Variants in MYBL2 observed in about 807,000 individuals in gnomAD.
MYBL2 encodes the protein myb-related protein B.
A neutral mutation model predicts 79.9 loss-of-function variants in MYBL2; 28 were observed. The observed-to-expected ratio is 0.35, with a 90% CI of 0.26 to 0.48. The LOEUF is 0.48. MYBL2 is among the 20% of genes least tolerant of loss of function. The probability of loss-of-function intolerance (pLI) is 0.99; values close to 1 mark genes in which losing one functional copy is unlikely to be tolerated. For synonymous variants in MYBL2, 378 were observed against 361.2 expected, an observed-to-expected ratio of 1.05 and a Z score of -0.53; for missense variants, 735 against 893.9, an observed-to-expected ratio of 0.82 and a Z score of 2.27.
chr20:43,678,880 A>AC (rs920933283), intron 2 of MYBL2, among the ~76,000 whole-genome samples: 4 of 149,912 alleles, frequency 2.7e-5, no homozygotes, highest in African/African-American at 9.9e-5. Flanking sequence ...AAAAAGAAAA[A>AC]AACATATAGA....
chr20:43,682,599 G>C (rs552561284), intron 3 of MYBL2, among the ~76,000 whole-genome samples, 195 bp from the exon 4 acceptor site: 2 of 152,200 alleles, frequency 1.3e-5, no homozygotes, highest in Admixed American at 6.5e-5. Context: ...TTGCCCTCTC[G>C]TGTAGCAAAG....
At chr20:43,682,177 A>T (rs1056940945) in intron 3 of MYBL2, among the ~76,000 whole-genome samples, 3 of 152,106 alleles carry the variant, frequency 2.0e-5, no homozygotes, top group African/African-American at 2.4e-5. Context: ...CAACAGTGAG[A>T]CTGAAACTGA....
intron 6 of MYBL2, among the ~76,000 whole-genome samples, chr20:43,695,825 A>G (rs1428559517): frequency 2.6e-5 from 4 of 152,112 alleles, no homozygotes; most frequent in Non-Finnish European, 5.9e-5. Flanking sequence ...GCCAGGCGTC[A>G]TGGCTTACAC....
At chr20:43,672,995 G>A (rs912363494) in intron 1 of MYBL2, among the ~76,000 whole-genome samples, 6 of 152,104 alleles carry the variant, frequency 3.9e-5, no homozygotes. Flanking sequence ...CCAGGCTGGA[G>A]TGCAGTGACA....
rs1478051323 is a variant in MYBL2, at chr20:43,711,531, G to A, written c.1649G>A (p.Arg550His). 6.2e-6 allele frequency: 10 copies of A among 1,613,710 alleles called. No homozygotes were observed. In the African/African-American group the frequency reaches 6.7e-5, roughly 11 times the overall value. ...HLEEDLKEVLRSEAGIELIIE... is the reference protein window; with the variant it reads ...HLEEDLKEVLHSEAGIELIIE... ...GAGGAGGACTTGAAGGAGGTGCTGC[G>A]TTCTGAGGCTGGCATCGAACTCATC... The change falls in exon 11 of 14, where the codon CGT becomes CAT. Residue 550 changes from arginine to histidine, a missense_variant. Physicochemically the swap from Arg to His is conservative, Grantham distance 29. Coordinates refer to ENST00000217026, the MANE Select transcript of MYBL2 (RefSeq NM_002466.4).
At chr20:43,703,333 G>C (rs977627087) in intron 8 of MYBL2, among the ~76,000 whole-genome samples, 1 of 152,232 alleles carries the variant, frequency 6.6e-6, no homozygotes, top group Non-Finnish European at 1.5e-5. Flanking sequence ...TGCTGGGGAT[G>C]GGCTTGTAAT....
intron 2 of MYBL2, 34 bp downstream of exon 2, chr20:43,673,933 G>C (rs553758308): frequency 1.3e-6 from 2 of 1,521,816 alleles, no homozygotes; most frequent in East Asian, 4.9e-5. Context: ...GTTGATGGCA[G>C]CTGGGGGCTG....
At chr20:43,708,894 G>A (rs1987845059) in intron 9 of MYBL2, among the ~76,000 whole-genome samples, 1 of 152,188 alleles carries the variant, frequency 6.6e-6, no homozygotes, top group Non-Finnish European at 1.5e-5. Context: ...TTTGACTTGT[G>A]CTTATCTGTC....
chr20:43,679,407 G>T (rs2145711841), intron 2 of MYBL2, among the ~76,000 whole-genome samples: 1 of 152,212 alleles, frequency 6.6e-6, no homozygotes, highest in South Asian at 2.1e-4. Context: ...CTTTAACTTT[G>T]TAGTTCAGTG....
chr20:43,668,685 G>GTTTT (rs3091868), intron 1 of MYBL2, among the ~76,000 whole-genome samples: 16 of 106,220 alleles, frequency 1.5e-4, no homozygotes, highest in African/African-American at 5.7e-4. Flanking sequence ...CCCTGCCCTG[G>GTTTT]TTTTTTTTTT....
chr20:43,716,069 G>T lies in MYBL2; in HGVS notation c.2085G>T (p.Arg695=). ...LGRLKPSHTS[R]TLILS ...GCCTGAAGCCCAGCCACACATCTCG[G>T]ACCCTCATCTTGTCCTGAGGTGTTG... The change falls in exon 14 of 14, where the codon CGG becomes CGT. Residue 695 remains arginine, a synonymous_variant. Coordinates refer to ENST00000217026, the MANE Select transcript of MYBL2 (RefSeq NM_002466.4). 2 of 1,608,496 alleles carry T rather than the reference G, an allele frequency of 1.2e-6. No individual in the cohort carries two copies. Among genetic ancestry groups the T allele is most frequent in the African/African-American group, 2.7e-5 (2 of 74,996 alleles).
At chr20:43,686,770 A>C in intron 4 of MYBL2, 82 bp from the exon 5 acceptor site, 1 of 1,396,218 alleles carries the variant, frequency 7.2e-7, no homozygotes, top group Non-Finnish European at 9.9e-7. Flanking sequence ...GGGCCATGGC[A>C]AGGCTCAGGT....
chr20:43,705,385 C>T (rs371607358), intron 9 of MYBL2, 27 bp downstream of exon 9: 144 of 1,573,760 alleles, frequency 9.2e-5, no homozygotes, highest in Middle Eastern at 1.8e-4. Context: ...CCCCAACCTT[C>T]GCCGTCCTCT....
chr20:43,700,948 T>A (rs1257434979), intron 7 of MYBL2, among the ~76,000 whole-genome samples: 2 of 152,084 alleles, frequency 1.3e-5, no homozygotes, highest in African/African-American at 4.8e-5. Context: ...GCTTAATGAG[T>A]AATTACAGTA....
chr20:43,705,527 A>G (rs558447315), intron 9 of MYBL2, among the ~76,000 whole-genome samples, 169 bp downstream of exon 9: 1 of 152,062 alleles, frequency 6.6e-6, no homozygotes, highest in Non-Finnish European at 1.5e-5. Flanking sequence ...TATCATTTTT[A>G]TCGATATAGT....
Position 43,702,918 on chromosome 20 carries a change from C to T in MYBL2, c.1365+15C>T, listed in dbSNP as rs779381288. 1.8e-5 allele frequency: 29 copies of T among 1,572,528 alleles called. No homozygotes were observed. Among genetic ancestry groups the T allele is most frequent in the Non-Finnish European group, 2.4e-5 (28 of 1,152,580 alleles). On this transcript the variant is annotated intron_variant, in intron 8 of 13. Transcript: ENST00000217026. ...CGCCCTCCCAGGTGCGTGGACCCCA[C>T]TCTGGCTGCTTATTGGGTCGGTACA...
chr20:43,714,146 C>T (rs1987975473), intron 12 of MYBL2, among the ~76,000 whole-genome samples: 1 of 152,130 alleles, frequency 6.6e-6, no homozygotes, highest in South Asian at 2.1e-4. Flanking sequence ...ACCATCACTG[C>T]TCTCTGGGAT....
At chr20:43,682,322 C>G (rs1987162757) in intron 3 of MYBL2, among the ~76,000 whole-genome samples, 1 of 152,138 alleles carries the variant, frequency 6.6e-6, no homozygotes, top group African/African-American at 2.4e-5. Context: ...CCCTCCCACC[C>G]CTGACCCACA....
intron 9 of MYBL2, among the ~76,000 whole-genome samples, chr20:43,705,911 A>G (rs1987771679): frequency 6.6e-6 from 1 of 150,962 alleles, no homozygotes; most frequent in Admixed American, 6.6e-5. Flanking sequence ...CGTATTAGCC[A>G]GGATGGTGTC....
Sources: gnomAD v4.1 joint callset for allele counts (sites outside exome capture counted in the v4.1 genomes callset) on GRCh38, gnomAD v4.1.1 for gene constraint, MANE v1.5 for transcripts, NCBI Gene and HGNC (gene_info 2026-07-23, HGNC 2026-07-21) for gene names.